Variants in TIMELESS observed in about 807,000 individuals in gnomAD.
TIMELESS encodes the protein timeless circadian regulator.
In TIMELESS, 124 loss-of-function variants were observed where a neutral mutation model predicts 164.3. The observed-to-expected ratio is 0.75, with a 90% CI of 0.65 to 0.88. The LOEUF is 0.88. Among genes scored for constraint, TIMELESS ranks in the 40% least tolerant of loss-of-function variants. The probability of loss-of-function intolerance (pLI) is 0.00; values close to 1 mark genes in which losing one functional copy is unlikely to be tolerated. For synonymous variants in TIMELESS, 564 were observed against 563.4 expected, an observed-to-expected ratio of 1.00 and a Z score of -0.02; for missense variants, 1,422 against 1,491.4, an observed-to-expected ratio of 0.95 and a Z score of 0.77.
At chr12:56,428,840 C>T in intron 11 of TIMELESS, 43 bp downstream of exon 11, 1 of 1,597,164 alleles carries the variant, frequency 6.3e-7, no homozygotes, top group Non-Finnish European at 8.6e-7. Flanking sequence ...TTCAAGCATT[C>T]AGATCCCTAG....
intron 1 of TIMELESS, among the ~76,000 whole-genome samples, chr12:56,442,096 A>AAG (rs1565689000): frequency 7.9e-6 from 1 of 126,784 alleles, no homozygotes; most frequent in African/African-American, 2.6e-5. Flanking sequence ...AAAAAAAAAA[A>AAG]AAAAAAGAAA....
chr12:56,422,061 C>A lies in TIMELESS; in HGVS notation c.2524+45G>T, dbSNP rs750076635. The A allele has an allele frequency of 1.9e-6, 3 of 1,613,818 alleles. No homozygotes were observed. In the South Asian group the frequency reaches 3.3e-5, roughly 18 times the overall value. On this transcript the variant is annotated intron_variant, in intron 20 of 28. Coordinates refer to ENST00000553532, the MANE Select transcript of TIMELESS (RefSeq NM_003920.5). ...AGGCAGTAAAGAAGGTCCCACAGCT[C>A]AAGCTGCCCTCCTCATAAACTCTCC...
intron 13 of TIMELESS, 107 bp from the exon 14 acceptor site, chr12:56,425,259 C>G (rs1234463495): frequency 7.6e-7 from 1 of 1,311,352 alleles, no homozygotes; most frequent in East Asian, 2.5e-5. Context: ...ACAGAGTGCC[C>G]ATTATCTGCT....
chr12:56,421,651 A>T, intron 22 of TIMELESS, 76 bp downstream of exon 22: 1 of 1,564,690 alleles, frequency 6.4e-7, no homozygotes, highest in Non-Finnish European at 8.8e-7. Flanking sequence ...TTTCCTTGGG[A>T]ATAAAAGGCA....
At chr12:56,432,309 G>C (rs1480233788) in intron 7 of TIMELESS, 60 bp downstream of exon 7, 1 of 1,552,010 alleles carries the variant, frequency 6.4e-7, no homozygotes, top group Non-Finnish European at 8.8e-7. Flanking sequence ...GAGCAATTCT[G>C]GCTGTACAGC....
chr12:56,434,176 A>G lies in TIMELESS; in HGVS notation c.-6T>C. ...TTCATCATGTGCAAGTCCATACATC[A>G]GTGGACCAACCAACAGAGAAGGAAG... On this transcript the variant is annotated 5_prime_UTR_variant, in exon 2 of 29. Coordinates refer to ENST00000553532, the MANE Select transcript of TIMELESS (RefSeq NM_003920.5). The G allele has an allele frequency of 6.2e-7, 1 of 1,610,684 alleles. No individual in the cohort carries two copies. The highest frequency in any genetic ancestry group is 8.5e-7 in the Non-Finnish European group (1 of 1,176,762).
In TIMELESS at chr12:56,423,292, A is replaced by G. The variant is rs765668035; in HGVS notation, c.2274T>C (p.Pro758=). Residue 758 remains proline, a synonymous_variant, in exon 18 of 29, where the codon CCT becomes CCC. Transcript: ENST00000553532. ...CCCTCACTTTGTAGGCTCCAGCAGC[A>G]GGGTCACTAAGCAGACGATTGAAGA... The part of the protein sequence containing the change: ...FCLFNRLLSD[P]AAGAYKELVT... The G allele has an allele frequency of 6.2e-7, 1 of 1,614,148 alleles. No individual in the cohort carries two copies. Among genetic ancestry groups the G allele is most frequent in the South Asian group, 1.1e-5 (1 of 91,068 alleles).
rs768742431 is a variant in TIMELESS at position 56,430,123 on chromosome 12, C to T, written c.1068G>A (p.Arg356=). 25 of 1,612,492 alleles carry T rather than the reference C, an allele frequency of 1.6e-5. No homozygotes were observed. The highest frequency in any genetic ancestry group is 1.9e-5 in the Non-Finnish European group (23 of 1,179,558). The change falls in exon 10 of 29, where the codon CGG becomes CGA. Residue 356 remains arginine (R), a synonymous_variant. Transcript: ENST00000553532. ...CSEFLENCYN[R]LMGSVKDHLL... Reference sequence around the variant, plus strand: ...TTCTCACCTTTACTGATCCCATGAGCCGGTTGTAACAGTTCTCCAGGAACT... The same window carrying T: ...TTCTCACCTTTACTGATCCCATGAGTCGGTTGTAACAGTTCTCCAGGAACT...
intron 1 of TIMELESS, among the ~76,000 whole-genome samples, chr12:56,437,607 G>A (rs1413566241): frequency 1.3e-5 from 2 of 152,104 alleles, no homozygotes; most frequent in Admixed American, 1.3e-4. Context: ...GAAGCAAGGT[G>A]AAGGGGTAGG....
intron 1 of TIMELESS, 44 bp from the exon 2 acceptor site, chr12:56,434,275 G>A (rs1852260381): frequency 7.7e-6 from 7 of 906,184 alleles, no homozygotes; most frequent in Non-Finnish European, 1.3e-5. Context: ...TCCTCTCCAT[G>A]AAAAGAAGAT....
chr12:56,431,442 G>T, intron 8 of TIMELESS, 29 bp downstream of exon 8: 1 of 1,591,106 alleles, frequency 6.3e-7, no homozygotes, highest in Non-Finnish European at 8.5e-7. Context: ...CATGATGTAG[G>T]AAAAAGAACC....
chr12:56,424,822 A>G lies in TIMELESS; in HGVS notation c.1808T>C (p.Ile603Thr). ...CTGGCCAGCCAGGAGACAGTCTTGG[A>G]TCCGTACCATAGCTTCTGCCCGCTG... is the stretch of plus-strand genomic sequence containing the variant. Reference protein sequence around the residue: ...EEQRAEAMVRIQDCLLAGQAP... With the variant: ...EEQRAEAMVRTQDCLLAGQAP... Residue 603 changes from isoleucine (I) to threonine (T), a missense_variant, in exon 15 of 29, where the codon ATC becomes ACC. Transcript: ENST00000553532. The G allele has an allele frequency of 6.2e-7, 1 of 1,614,140 alleles. No individual in the cohort carries two copies. Among genetic ancestry groups the G allele is most frequent in the Non-Finnish European group, 8.5e-7 (1 of 1,180,032 alleles).
Position 56,428,247 on chromosome 12 carries a change from G to C in TIMELESS, c.1567C>G (p.Leu523Val). Residue 523 changes from leucine (L) to valine (V), a missense_variant, in exon 13 of 29, where the codon CTG (leucine) becomes GTG (valine). Transcript: ENST00000553532. ...LERFCRSRGN[L>V]VVQNKQKKRR... is the part of the protein sequence containing the mutation. ...GGGCTGCCCAGTACCTGCACCACCA[G>C]GTTCCCACGGCTCCGACAGAATCGC... 6.2e-7 allele frequency: 1 copy of C among 1,602,186 alleles called. No homozygotes were observed. Among genetic ancestry groups the C allele is most frequent in the Non-Finnish European group, 8.5e-7 (1 of 1,172,004 alleles).
chr12:56,434,593 C>A (rs915140773), intron 1 of TIMELESS, among the ~76,000 whole-genome samples: 1 of 152,102 alleles, frequency 6.6e-6, no homozygotes, highest in Non-Finnish European at 1.5e-5. Context: ...CAAAATTAGC[C>A]GGGCGTGGTG....
intron 1 of TIMELESS, among the ~76,000 whole-genome samples, chr12:56,439,113 C>A (rs549572603): frequency 9.7e-5 from 13 of 133,404 alleles, no homozygotes; most frequent in African/African-American, 3.6e-4. Context: ...TAGCAGTGAG[C>A]CCAAATCGTG....
intron 1 of TIMELESS, among the ~76,000 whole-genome samples, chr12:56,438,510 G>C (rs529242685): frequency 6.7e-6 from 1 of 150,268 alleles, no homozygotes; most frequent in African/African-American, 2.4e-5. Context: ...AGTGGCTCAC[G>C]CCTGAAATCC....
At chr12:56,423,917 G>T in intron 15 of TIMELESS, 23 bp from the exon 16 acceptor site, 3 of 1,602,598 alleles carry the variant, frequency 1.9e-6, no homozygotes, top group Non-Finnish European at 2.6e-6. Context: ...TAGAAAAAAG[G>T]CTTTACCCAG....
In TIMELESS at chr12:56,425,894, AAAT is replaced by A. The variant is rs1372865480; in HGVS notation, c.1579-745_1579-743del. Among the ~76,000 whole-genome samples, 9 of 152,104 alleles carry A rather than the reference AAAT, an allele frequency of 5.9e-5. No homozygotes were observed. The East Asian group carries it at 1.2e-3, about 20-fold the overall frequency. On this transcript the variant is annotated intron_variant, in intron 13 of 28. Coordinates refer to ENST00000553532, the MANE Select transcript of TIMELESS (RefSeq NM_003920.5). ...TGCTTAAAAAAATAAATAAATAAAT[AAAT>A]AATTAAAAAAAAGAAAAGCAGGAGA...
At chr12:56,418,498 C>T in intron 26 of TIMELESS, 139 bp from the exon 27 acceptor site, 1 of 614,486 alleles carries the variant, frequency 1.6e-6, no homozygotes, top group South Asian at 2.1e-5. Flanking sequence ...TACTTACTAT[C>T]TAATATATAC....
Sources: gnomAD v4.1 joint callset for allele counts (sites outside exome capture counted in the v4.1 genomes callset) on GRCh38, gnomAD v4.1.1 for gene constraint, MANE v1.5 for transcripts, NCBI Gene and HGNC (gene_info 2026-07-23, HGNC 2026-07-21) for gene names.